The following ARFGEF1 variants were observed in gnomAD, a reference collection of about 807,000 sequenced individuals.
ARFGEF1 encodes brefeldin A-inhibited guanine nucleotide-exchange protein 1.
A neutral mutation model predicts 231.0 loss-of-function variants in ARFGEF1; 42 were observed. The observed-to-expected ratio is 0.18, with a 90% CI of 0.14 to 0.24. ARFGEF1 has a LOEUF of 0.24. Ranked by LOEUF, ARFGEF1 falls within the 10% of genes least tolerant of loss-of-function variation. The pLI, the probability that ARFGEF1 is intolerant of heterozygous loss-of-function variation, is 1.00. For missense variants in ARFGEF1, 1,345 were observed against 2,192.0 expected (o/e 0.61, Z 7.72); for synonymous variants, 710 against 732.3 (o/e 0.97, Z 0.49).
Position 67,222,204 on chromosome 8 carries a change from T to TAC in ARFGEF1, c.4209-2646_4209-2645dup, listed in dbSNP as rs1376525855. Among the ~76,000 whole-genome samples the TAC allele has an allele frequency of 3.5e-3, 397 of 114,438 alleles. 3 individuals carry two copies. The highest frequency in any genetic ancestry group is 4.8e-3 in the Admixed American group (55 of 11,352). The allele number at this position is 114,438 out of a possible 152,430, so 75.1% of individuals were successfully genotyped here. A position where few individuals can be genotyped will look rare whatever the true frequency, so the allele number is the denominator to read the frequency against. On this transcript the variant is annotated intron_variant, in intron 29 of 38. Transcript: ENST00000262215. ...ACACATATATATATATATATATATATACACACACATATATATATATGTATA... is the reference window on the plus strand; with the variant it reads ...ACACATATATATATATATATATATATACACACACACATATATATATATGTATA...
intron 34 of ARFGEF1, among the ~76,000 whole-genome samples, chr8:67,205,989 C>T (rs1347104625): frequency 6.6e-6 from 1 of 152,162 alleles, no homozygotes; most frequent in Non-Finnish European, 1.5e-5. Context: ...GCAGCCAAGA[C>T]TCCGGATTAA....
chr8:67,302,519 T>C (rs983354267), intron 1 of ARFGEF1, 53 bp from the exon 2 acceptor site: 41 of 1,330,778 alleles, frequency 3.1e-5, no homozygotes, highest in Non-Finnish European at 4.1e-5. Context: ...GCAGAAAGAC[T>C]GAGTAATTTC....
intron 1 of ARFGEF1, among the ~76,000 whole-genome samples, chr8:67,331,999 T>TA (rs1203368792): frequency 1.3e-4 from 20 of 150,824 alleles, no homozygotes; most frequent in African/African-American, 2.2e-4. Context: ...GGGATTAATT[T>TA]AAAAAAAAAA....
intron 5 of ARFGEF1, among the ~76,000 whole-genome samples, chr8:67,183,240 CAG>C (rs1206544889): frequency 6.6e-6 from 1 of 152,170 alleles, no homozygotes; most frequent in African/African-American, 2.4e-5. Flanking sequence ...CAGAAATGGA[CAG>C]AGACAGAAAA....
chr8:67,271,033 AAAAAAAAAAAG>A (rs1328230580), intron 10 of ARFGEF1, among the ~76,000 whole-genome samples: 10 of 145,162 alleles, frequency 6.9e-5, no homozygotes, highest in African/African-American at 2.0e-4. Flanking sequence ...TCCAAAAAAA[AAAAAAAAAAAG>A]GAAAAAGAAA....
chr8:67,205,235 T>C (rs981672924), intron 34 of ARFGEF1, among the ~76,000 whole-genome samples: 1 of 152,216 alleles, frequency 6.6e-6, no homozygotes, highest in Admixed American at 6.5e-5. Flanking sequence ...GACTGCCTAG[T>C]AGGCAGCTCC....
intron 1 of ARFGEF1, among the ~76,000 whole-genome samples, chr8:67,334,551 G>A (rs781667048): frequency 3.7e-4 from 57 of 152,128 alleles, no homozygotes; most frequent in Admixed American, 1.0e-3. Flanking sequence ...TTTATCAAGT[G>A]GCCCACCAAT....
chr8:67,179,358 T>A (rs1832468754), intron 5 of ARFGEF1, among the ~76,000 whole-genome samples: 1 of 152,186 alleles, frequency 6.6e-6, no homozygotes, highest in Admixed American at 6.5e-5. Flanking sequence ...CTCTCTCCCA[T>A]GACACTGTGA....
intron 5 of ARFGEF1, among the ~76,000 whole-genome samples, chr8:67,189,643 T>A (rs1169454464): frequency 1.3e-5 from 2 of 152,172 alleles, no homozygotes; most frequent in African/African-American, 4.8e-5. Flanking sequence ...TAATTAGATT[T>A]TTGCAGTGTA....
In ARFGEF1 at chr8:67,192,455, A is replaced by G. The variant is rs1463734605; in HGVS notation, c.560+7941T>C. 4.3e-4 allele frequency among the ~76,000 whole-genome samples: 65 copies of G among 152,126 alleles called. 1 individual carries two copies. The highest frequency in any genetic ancestry group is 4.2e-3 in the Admixed American group (64 of 15,278). ...CATTCTCACTACAAGTCTAGTTATC[A>G]ATGTGTGATTTTCAGATCTTTTTTC... is the stretch of plus-strand genomic sequence containing the variant. On this transcript the variant is annotated intron_variant, in intron 5 of 5. Coordinates refer to the ARFGEF1 transcript ENST00000518789.
chr8:67,241,556 T>C (rs935820519), intron 19 of ARFGEF1, among the ~76,000 whole-genome samples: 4 of 152,208 alleles, frequency 2.6e-5, no homozygotes, highest in Non-Finnish European at 4.4e-5. Flanking sequence ...ATCCAGGCAA[T>C]AGTTAAACTG....
intron 5 of ARFGEF1, among the ~76,000 whole-genome samples, chr8:67,176,038 A>AT (rs1408237891): frequency 6.6e-6 from 1 of 151,416 alleles, no homozygotes; most frequent in Non-Finnish European, 1.5e-5. Context: ...CTAAAGAAGT[A>AT]CAACTGTGAT....
chr8:67,323,875 A>C (rs1384037887), intron 1 of ARFGEF1, among the ~76,000 whole-genome samples: 1 of 151,276 alleles, frequency 6.6e-6, no homozygotes, highest in East Asian at 2.0e-4. Flanking sequence ...ATCACCGCTT[A>C]CTGCAAGCTC....
chr8:67,341,516 G>A (rs537830825), intron 1 of ARFGEF1, among the ~76,000 whole-genome samples: 4 of 151,934 alleles, frequency 2.6e-5, no homozygotes, highest in Admixed American at 2.0e-4. Context: ...AGGAATGCCT[G>A]ATCCTGGGAG....
At chr8:67,178,519 T>C (rs996895013) in intron 5 of ARFGEF1, among the ~76,000 whole-genome samples, 2 of 152,164 alleles carry the variant, frequency 1.3e-5, no homozygotes, top group Non-Finnish European at 2.9e-5. Flanking sequence ...AATAAATCAA[T>C]AGTTTTTTGA....
intron 1 of ARFGEF1, among the ~76,000 whole-genome samples, chr8:67,317,834 G>A (rs535631324): frequency 1.3e-5 from 2 of 149,682 alleles, no homozygotes; most frequent in South Asian, 2.1e-4. Flanking sequence ...GGGAAACAGA[G>A]CTTGCAGTGA....
At chr8:67,285,489 C>T (rs1394136544) in intron 7 of ARFGEF1, among the ~76,000 whole-genome samples, 1 of 152,026 alleles carries the variant, frequency 6.6e-6, no homozygotes, top group African/African-American at 2.4e-5. Flanking sequence ...TATACCCCAG[C>T]CTGGGTGACA....
At chr8:67,216,443 A>C in intron 33 of ARFGEF1, 147 bp downstream of exon 33, 1 of 735,496 alleles carries the variant, frequency 1.4e-6, no homozygotes, top group Non-Finnish European at 2.1e-6. Flanking sequence ...TTGTAAAAAA[A>C]AAATGTCTAT....
intron 1 of ARFGEF1, among the ~76,000 whole-genome samples, chr8:67,314,725 G>A (rs1191427119): frequency 1.3e-5 from 2 of 152,130 alleles, no homozygotes; most frequent in African/African-American, 4.8e-5. Context: ...CAGTCGATCT[G>A]GAGCTAAAAC....
Sources: gnomAD v4.1 joint callset for allele counts (sites outside exome capture counted in the v4.1 genomes callset) on GRCh38, gnomAD v4.1.1 for gene constraint, MANE v1.5 for transcripts, NCBI Gene and HGNC (gene_info 2026-07-23, HGNC 2026-07-21) for gene names.